The following NCOA2 variants were observed in gnomAD, a reference collection of about 807,000 sequenced individuals.
NCOA2 encodes the protein nuclear receptor coactivator 2, also known as class E basic helix-loop-helix protein 75.
A neutral mutation model predicts 145.1 loss-of-function variants in NCOA2; 21 were observed. That is an observed-to-expected ratio of 0.14 (90% confidence interval 0.10 to 0.21). The LOEUF is 0.21. Among genes scored for constraint, NCOA2 ranks in the 10% least tolerant of loss-of-function variants. The pLI, the probability that NCOA2 is intolerant of heterozygous loss-of-function variation, is 1.00. For missense variants in NCOA2, 1,472 were observed against 1,837.6 expected (o/e 0.80, Z 3.64); for synonymous variants, 619 against 637.5 (o/e 0.97, Z 0.44).
At chr8:70,344,830 G>A (rs1808472842) in intron 1 of NCOA2, among the ~76,000 whole-genome samples, 1 of 152,140 alleles carries the variant, frequency 6.6e-6, no homozygotes, top group African/African-American at 2.4e-5. Flanking sequence ...GTTCTAAACT[G>A]TATTTTTAAA....
intron 2 of NCOA2, among the ~76,000 whole-genome samples, chr8:70,253,803 A>C (rs1457149986): frequency 6.6e-6 from 1 of 152,214 alleles, no homozygotes; most frequent in East Asian, 1.9e-4. Flanking sequence ...CAATACTTAG[A>C]AGAAAACACA....
At chr8:70,144,920 G>C (rs923453197) in intron 12 of NCOA2, 72 bp from the exon 13 acceptor site, 3 of 1,345,506 alleles carry the variant, frequency 2.2e-6, no homozygotes, top group Non-Finnish European at 3.2e-6. Flanking sequence ...GTAGTGTTTA[G>C]GGACAATGTC....
Position 70,214,004 on chromosome 8 carries a change from A to G in NCOA2, c.158T>C (p.Ile53Thr). ...GTCTATATCATTAAAATTTGCAAAA[A>G]TCAACTCTGCAAGTTCTTCTATATA... The part of the protein sequence containing the change: ...NKYIEELAEL[I>T]FANFNDIDNF... Residue 53 changes from isoleucine to threonine, a missense_variant, in exon 4 of 23, where the codon ATT (isoleucine) becomes ACT (threonine). By Grantham distance (89) the Ile-to-Thr change is moderately conservative. Around this residue, in one of 4 missense-constraint regions of NCOA2, gnomAD observed 284 missense variants for 467.8 expected, o/e 0.61. Coordinates refer to ENST00000452400, the MANE Select transcript of NCOA2 (RefSeq NM_006540.4). 1 of 1,613,036 alleles carries G rather than the reference A, an allele frequency of 6.2e-7. No homozygotes were observed. The highest frequency in any genetic ancestry group is 2.2e-5 in the East Asian group (1 of 44,810).
chr8:70,161,275 T>G (rs981391043), intron 9 of NCOA2, among the ~76,000 whole-genome samples: 5 of 152,236 alleles, frequency 3.3e-5, no homozygotes, highest in African/African-American at 1.2e-4. Context: ...GTCAAAGAAT[T>G]AAACTCAGGA....
intron 1 of NCOA2, among the ~76,000 whole-genome samples, chr8:70,325,227 T>TCC (rs1238143775): frequency 2.0e-5 from 3 of 152,188 alleles, no homozygotes; most frequent in Admixed American, 6.5e-5. Flanking sequence ...TATAATTATT[T>TCC]CCTAGGCATT....
chr8:70,418,281 C>G, the NCOA2 span, among the ~76,000 whole-genome samples: 1 of 152,178 alleles, frequency 6.6e-6, no homozygotes, highest in Admixed American at 6.5e-5. Context: ...TTCCACTGTA[C>G]TGTCAAGCCA....
In NCOA2 at chr8:70,161,622, C is replaced by T. The variant is rs530647449; in HGVS notation, c.976+1089G>A. 4.6e-5 allele frequency among the ~76,000 whole-genome samples: 7 copies of T among 152,306 alleles called. No homozygotes were observed. In the East Asian group the frequency reaches 1.4e-3, roughly 29 times the overall value. ...AGTATAAAGTTTAAACATACCAACA[C>T]TATTGGTAAAGTGCCAGATGCACAT... On this transcript the variant is annotated intron_variant, in intron 9 of 22. Transcript: ENST00000452400.
chr8:70,291,490 A>G (rs1176541579), intron 2 of NCOA2, among the ~76,000 whole-genome samples: 1 of 152,242 alleles, frequency 6.6e-6, no homozygotes, highest in African/African-American at 2.4e-5. Context: ...TACTCCAAGA[A>G]ACAACATCCT....
chr8:70,297,071 G>A (rs982533922), intron 1 of NCOA2, among the ~76,000 whole-genome samples: 3 of 152,136 alleles, frequency 2.0e-5, no homozygotes, highest in African/African-American at 7.2e-5. Context: ...ATTCTGAGTG[G>A]CCGTCCTTAT....
intron 2 of NCOA2, among the ~76,000 whole-genome samples, chr8:70,241,978 T>A (rs1822173272): frequency 6.6e-6 from 1 of 152,136 alleles, no homozygotes; most frequent in Non-Finnish European, 1.5e-5. Context: ...CATTTTCACA[T>A]TAAAACATGA....
intron 1 of NCOA2, among the ~76,000 whole-genome samples, chr8:70,308,805 C>A (rs911111248): frequency 1.3e-5 from 2 of 152,168 alleles, no homozygotes; most frequent in Non-Finnish European, 2.9e-5. Flanking sequence ...GAATAAACCA[C>A]AGCCTAATAG....
chr8:70,441,434 GAAAGAAA>G, the NCOA2 span, among the ~76,000 whole-genome samples: 225 of 125,116 alleles, frequency 1.8e-3, 2 homozygotes, highest in Middle Eastern at 4.8e-3. Flanking sequence ...AGGGAGAAGA[GAAAGAAA>G]AAAGAAAAAA....
intron 2 of NCOA2, among the ~76,000 whole-genome samples, chr8:70,264,293 G>A (rs1440219421): frequency 6.6e-6 from 1 of 151,816 alleles, no homozygotes; most frequent in African/African-American, 2.4e-5. Flanking sequence ...TGAGGCAGGA[G>A]GATCGCCTGA....
the NCOA2 span, among the ~76,000 whole-genome samples, chr8:70,454,993 C>T: frequency 6.6e-6 from 1 of 152,164 alleles, no homozygotes; most frequent in Non-Finnish European, 1.5e-5. Context: ...TACATACATT[C>T]GAGCAATAAT....
chr8:70,263,824 A>G (rs1824347313), intron 2 of NCOA2, among the ~76,000 whole-genome samples: 1 of 152,196 alleles, frequency 6.6e-6, no homozygotes, highest in Non-Finnish European at 1.5e-5. Context: ...GCCACTGTGC[A>G]CTGTGTAATC....
chr8:70,114,130 G>A (rs1014819762), intron 22 of NCOA2, among the ~76,000 whole-genome samples: 1 of 152,070 alleles, frequency 6.6e-6, no homozygotes, highest in Non-Finnish European at 1.5e-5. Flanking sequence ...TACTCCCAAG[G>A]TTCTCTGGGT....
intron 1 of NCOA2, among the ~76,000 whole-genome samples, chr8:70,353,016 A>G (rs1029513436): frequency 2.6e-5 from 4 of 152,148 alleles, no homozygotes; most frequent in Admixed American, 6.5e-5. Flanking sequence ...TTAATGCTGA[A>G]TTACTTGTGA....
chr8:70,402,651 G>A (rs912674122), intron 1 of NCOA2: 1 of 151,994 alleles, frequency 6.6e-6, no homozygotes, highest in African/African-American at 2.4e-5. Flanking sequence ...CCGTCGCGAG[G>A]CGGCCACAGG....
At position 70,211,416 on chromosome 8, in the gene NCOA2, G is replaced by A. The variant is rs545856479; in HGVS notation, c.259+2487C>T. 2.1e-4 allele frequency among the ~76,000 whole-genome samples: 32 copies of A among 150,710 alleles called. No individual in the cohort carries two copies. In the South Asian group the frequency reaches 6.3e-3, roughly 30 times the overall value. ...GGAGGTTGCAGTGAGCTGAGATCGC[G>A]CCACTGCACTCCAGCCTGGGCAACA... On this transcript the variant is annotated intron_variant, in intron 4 of 22. Transcript: ENST00000452400.
Sources: gnomAD v4.1 joint callset for allele counts (sites outside exome capture counted in the v4.1 genomes callset) on GRCh38, gnomAD v4.1.1 for gene constraint, gnomAD v4.1.1 regional missense constraint, MANE v1.5 for transcripts, NCBI Gene and HGNC (gene_info 2026-07-23, HGNC 2026-07-21) for gene names.